Variants in DPP10 observed in about 807,000 individuals in gnomAD.
The protein encoded by DPP10 is inactive dipeptidyl peptidase 10.
DPP10 carries 33 observed loss-of-function variants against 120.9 expected under a neutral mutation model. That is an observed-to-expected ratio of 0.27 (90% CI 0.21 to 0.37). The LOEUF (loss-of-function observed/expected upper bound fraction) is 0.37, where lower values mean the gene tolerates loss of function less well. Ranked by LOEUF, DPP10 falls within the 10% of genes least tolerant of loss-of-function variation. The pLI, the probability that DPP10 is intolerant of heterozygous loss-of-function variation, is 1.00. For missense variants in DPP10, 816 were observed against 942.8 expected (o/e 0.87, Z 1.76); for synonymous variants, 337 against 326.1 (o/e 1.03, Z -0.36).
chr2:114,652,290 T>C (rs1157825182), intron 1 of DPP10, among the ~76,000 whole-genome samples: 2 of 152,140 alleles, frequency 1.3e-5, no homozygotes, highest in Admixed American at 6.5e-5. Context: ...TTCTACCTAA[T>C]TAAGGAGGCA....
chr2:115,502,168 C>G (rs2076717132), intron 4 of DPP10, among the ~76,000 whole-genome samples: 2 of 151,978 alleles, frequency 1.3e-5, no homozygotes, highest in Admixed American at 6.6e-5. Context: ...CACTTTTCAG[C>G]TTAAACACAT....
chr2:114,952,399 C>T (rs2104651435), intron 1 of DPP10, among the ~76,000 whole-genome samples: 1 of 152,160 alleles, frequency 6.6e-6, no homozygotes, highest in Non-Finnish European at 1.5e-5. Context: ...TCTGATAAAA[C>T]ATTAACATGT....
chr2:115,768,078 A>G (rs530671584), intron 12 of DPP10, among the ~76,000 whole-genome samples: 1 of 152,308 alleles, frequency 6.6e-6, no homozygotes, highest in African/African-American at 2.4e-5. Flanking sequence ...AATTTCTCCT[A>G]TCCTTCCCAC....
chr2:114,633,981 A>T (rs1158945334), intron 1 of DPP10, among the ~76,000 whole-genome samples: 10 of 151,850 alleles, frequency 6.6e-5, no homozygotes, highest in Admixed American at 6.6e-4. Flanking sequence ...ATATGTGTGT[A>T]TTACTATTAA....
At chr2:114,456,932 C>T (rs17763180) in intron 1 of DPP10, among the ~76,000 whole-genome samples, 35,918 of 152,118 alleles carry the variant, frequency 0.24, 5,400 homozygotes, top group Non-Finnish European at 0.34. Context: ...CCAAGTTCTG[C>T]TGCCAATGCC....
intron 1 of DPP10, among the ~76,000 whole-genome samples, chr2:115,286,003 T>TC (rs2060347601): frequency 6.6e-6 from 1 of 151,812 alleles, no homozygotes; most frequent in Non-Finnish European, 1.5e-5. Context: ...TAGGGAAAGT[T>TC]CTGCATTAGC....
chr2:115,684,894 T>A (rs747622443), intron 5 of DPP10, among the ~76,000 whole-genome samples: 9 of 151,950 alleles, frequency 5.9e-5, no homozygotes, highest in Non-Finnish European at 1.3e-4. Flanking sequence ...TCATACATAT[T>A]TCCATCAATA....
chr2:115,030,081 T>A (rs575262228), intron 1 of DPP10, among the ~76,000 whole-genome samples: 1 of 152,288 alleles, frequency 6.6e-6, no homozygotes, highest in Non-Finnish European at 1.5e-5. Context: ...AACTCAGAGA[T>A]ACCTCAGGAT....
At chr2:114,565,354 T>C (rs1443400797) in intron 1 of DPP10, among the ~76,000 whole-genome samples, 1 of 152,194 alleles carries the variant, frequency 6.6e-6, no homozygotes, top group Non-Finnish European at 1.5e-5. Context: ...TGGGAAAGAA[T>C]GGAGTAATGG....
chr2:115,196,346 C>T (rs1001699929), intron 1 of DPP10, among the ~76,000 whole-genome samples: 1 of 152,304 alleles, frequency 6.6e-6, no homozygotes, highest in Non-Finnish European at 1.5e-5. Flanking sequence ...GCCTGCTTCT[C>T]CTAACTGGGT....
intron 1 of DPP10, among the ~76,000 whole-genome samples, chr2:114,782,569 A>G (rs1682431398): frequency 6.6e-6 from 1 of 152,048 alleles, no homozygotes; most frequent in African/African-American, 2.4e-5. Context: ...CTGAGAAGAC[A>G]TGAAAGTTAA....
chr2:115,349,765 G>T (rs1292713750), intron 3 of DPP10, among the ~76,000 whole-genome samples: 1 of 152,054 alleles, frequency 6.6e-6, no homozygotes, highest in Non-Finnish European at 1.5e-5. Flanking sequence ...TTGCTTGTTT[G>T]TTTGACACTA....
intron 1 of DPP10, among the ~76,000 whole-genome samples, chr2:114,958,638 CA>C (rs1409390772): frequency 2.0e-5 from 3 of 152,070 alleles, no homozygotes; most frequent in African/African-American, 7.2e-5. Context: ...ATTGTACCCC[CA>C]AAATATTTAC....
rs571892083 is a variant in DPP10, at chr2:115,271,664, G to A, written c.61-37575G>A. 1.6e-4 allele frequency among the ~76,000 whole-genome samples: 24 copies of A among 152,062 alleles called. No individual in the cohort carries two copies. The South Asian group carries it at 4.8e-3, about 30-fold the overall frequency. ...TATTAGAAAGGTAAAATATATCTTG[G>A]AAAACAAAAGCAGATTTTGAATAAA... On this transcript the variant is annotated intron_variant, in intron 1 of 25. Transcript: ENST00000410059.
chr2:114,873,847 C>A (rs148872759), intron 1 of DPP10, among the ~76,000 whole-genome samples: 1 of 152,196 alleles, frequency 6.6e-6, no homozygotes, highest in Non-Finnish European at 1.5e-5. Context: ...ATACGTAGAT[C>A]CCTGGCCAGA....
At chr2:115,340,897 G>A (rs147467799) in intron 2 of DPP10, among the ~76,000 whole-genome samples, 1 of 152,040 alleles carries the variant, frequency 6.6e-6, no homozygotes, top group African/African-American at 2.4e-5. Flanking sequence ...ATAAGTCAAT[G>A]TTTATCAAAT....
At chr2:115,331,491 G>C (rs930813702) in intron 2 of DPP10, among the ~76,000 whole-genome samples, 1 of 152,084 alleles carries the variant, frequency 6.6e-6, no homozygotes, top group Non-Finnish European at 1.5e-5. Context: ...GGGCATCCCC[G>C]TCTTGTGCCA....
chr2:115,723,380 A>T (rs2092691594), intron 7 of DPP10, among the ~76,000 whole-genome samples: 1 of 152,034 alleles, frequency 6.6e-6, no homozygotes, highest in Admixed American at 6.6e-5. Context: ...TCTCAGTGAA[A>T]TTTTTCCAAG....
At chr2:115,312,710 A>G (rs2106045757) in intron 2 of DPP10, among the ~76,000 whole-genome samples, 1 of 152,274 alleles carries the variant, frequency 6.6e-6, no homozygotes, top group Middle Eastern at 3.4e-3. Flanking sequence ...GAAAACCTCC[A>G]GCTGGAAATT....
Sources: gnomAD v4.1 joint callset for allele counts (sites outside exome capture counted in the v4.1 genomes callset) on GRCh38, gnomAD v4.1.1 for gene constraint, MANE v1.5 for transcripts, NCBI Gene and HGNC (gene_info 2026-07-23, HGNC 2026-07-21) for gene names.